The following LRRC4C variants were observed in gnomAD, a reference collection of about 807,000 sequenced individuals.
LRRC4C encodes the protein leucine-rich repeat-containing protein 4C.
Under a neutral mutation model 33.6 loss-of-function variants are expected in LRRC4C, and 5 were observed. That is an observed-to-expected ratio of 0.15 (90% CI 0.08 to 0.31). The LOEUF (loss-of-function observed/expected upper bound fraction) is 0.31, where lower values mean the gene tolerates loss of function less well. LRRC4C is among the 10% of genes least tolerant of loss of function. The pLI, the probability that LRRC4C is intolerant of heterozygous loss-of-function variation, is 1.00. For synonymous variants in LRRC4C, 329 were observed against 302.0 expected (o/e 1.09, Z -0.93); for missense variants, 560 against 796.7 (o/e 0.70, Z 3.58).
chr11:40,721,803 C>T (rs916738297), intron 2 of LRRC4C, among the ~76,000 whole-genome samples: 1 of 151,820 alleles, frequency 6.6e-6, no homozygotes, highest in African/African-American at 2.4e-5. Flanking sequence ...TAGCCGGGCG[C>T]GGTGGTGGGC....
At chr11:40,760,785 G>A (rs1949169219) in intron 2 of LRRC4C, among the ~76,000 whole-genome samples, 1 of 74,824 alleles carries the variant, frequency 1.3e-5, no homozygotes, top group Admixed American at 1.4e-4. Context: ...CAATTTTTGT[G>A]TGTATATATA....
chr11:41,443,428 G>T (rs1213373850), intron 1 of LRRC4C, among the ~76,000 whole-genome samples: 6 of 152,070 alleles, frequency 3.9e-5, no homozygotes, highest in East Asian at 3.9e-4. Context: ...AGGATCCCTT[G>T]AGCCTGGGAA....
chr11:40,996,752 G>C (rs1366341901), intron 1 of LRRC4C, among the ~76,000 whole-genome samples: 2 of 152,150 alleles, frequency 1.3e-5, no homozygotes, highest in African/African-American at 4.8e-5. Flanking sequence ...GGGAACAGGA[G>C]TGTCACATGG....
At chr11:40,747,206 C>G (rs1948472420) in intron 2 of LRRC4C, among the ~76,000 whole-genome samples, 1 of 152,166 alleles carries the variant, frequency 6.6e-6, no homozygotes. Flanking sequence ...GCCCAAAGAT[C>G]AGCCTACCTG....
intron 5 of LRRC4C, among the ~76,000 whole-genome samples, chr11:40,240,316 T>C (rs958236302): frequency 6.6e-6 from 1 of 152,188 alleles, no homozygotes; most frequent in African/African-American, 2.4e-5. Flanking sequence ...TCATCATGTA[T>C]AACTTGTTAC....
At chr11:40,454,194 AGT>A (rs1356382349) in intron 3 of LRRC4C, among the ~76,000 whole-genome samples, 3 of 149,978 alleles carry the variant, frequency 2.0e-5, no homozygotes, top group African/African-American at 7.4e-5. Context: ...TTTTTTTAAC[AGT>A]GAGTCATTTG....
intron 3 of LRRC4C, among the ~76,000 whole-genome samples, chr11:40,322,545 C>T (rs1239746910): frequency 6.6e-6 from 1 of 152,134 alleles, no homozygotes; most frequent in Non-Finnish European, 1.5e-5. Flanking sequence ...TGCACCCGGC[C>T]AAGAAATTCA....
Position 40,932,010 on chromosome 11 carries a change from A to G in LRRC4C, c.-407+1625T>C, listed in dbSNP as rs1445994467. ...GGGAAGCAAAAGAAATAACCAAGTTAATTGTCCTGACCTCAAGGGGCTGAG... is the reference window on the plus strand; with the variant it reads ...GGGAAGCAAAAGAAATAACCAAGTTGATTGTCCTGACCTCAAGGGGCTGAG... On this transcript the variant is annotated intron_variant, in intron 2 of 6. Transcript: ENST00000528697. Among the ~76,000 whole-genome samples, 3 of 152,182 alleles carry G rather than the reference A, an allele frequency of 2.0e-5. No homozygotes were observed. In the East Asian group the frequency reaches 5.8e-4, roughly 29 times the overall value.
intron 3 of LRRC4C, among the ~76,000 whole-genome samples, chr11:40,385,485 ACAT>A (rs1190315937): frequency 2.0e-4 from 30 of 152,198 alleles, no homozygotes; most frequent in South Asian, 6.2e-4. Context: ...TGGGAGATAA[ACAT>A]TGCGTACACA....
intron 1 of LRRC4C, among the ~76,000 whole-genome samples, chr11:41,280,243 G>A (rs1949619370): frequency 6.6e-6 from 1 of 152,194 alleles, no homozygotes; most frequent in Non-Finnish European, 1.5e-5. Flanking sequence ...CACCACGAAA[G>A]TCAGGCTTCA....
At chr11:40,802,559 A>C (rs1329842385) in intron 2 of LRRC4C, among the ~76,000 whole-genome samples, 1 of 152,112 alleles carries the variant, frequency 6.6e-6, no homozygotes, top group Non-Finnish European at 1.5e-5. Flanking sequence ...AAGAAAGAGG[A>C]AAAGAAAGCC....
intron 2 of LRRC4C, among the ~76,000 whole-genome samples, chr11:40,748,044 T>G (rs954180764): frequency 3.3e-5 from 5 of 152,110 alleles, no homozygotes; most frequent in Admixed American, 2.6e-4. Flanking sequence ...AGACACTCAT[T>G]ACAGGAGGCT....
chr11:41,457,562 C>G (rs1956209480), intron 1 of LRRC4C, among the ~76,000 whole-genome samples: 1 of 151,824 alleles, frequency 6.6e-6, no homozygotes, highest in Non-Finnish European at 1.5e-5. Context: ...ATTGTTTTTT[C>G]CATAAAGAAA....
At chr11:40,628,523 C>T (rs1470305544) in intron 3 of LRRC4C, among the ~76,000 whole-genome samples, 2 of 151,472 alleles carry the variant, frequency 1.3e-5, no homozygotes, top group African/African-American at 4.8e-5. Context: ...AATTCATCAT[C>T]TTTTAGAGTA....
chr11:40,378,808 T>G (rs563962099), intron 3 of LRRC4C, among the ~76,000 whole-genome samples: 4 of 152,258 alleles, frequency 2.6e-5, no homozygotes, highest in African/African-American at 9.6e-5. Flanking sequence ...TGTTTATAGA[T>G]CCTCTGCTAT....
intron 3 of LRRC4C, among the ~76,000 whole-genome samples, chr11:40,386,530 C>A (rs974416915): frequency 6.6e-5 from 10 of 152,116 alleles, no homozygotes; most frequent in African/African-American, 1.9e-4. Flanking sequence ...TACATTAGGT[C>A]TTTCTTCCAT....
intron 1 of LRRC4C, among the ~76,000 whole-genome samples, chr11:41,364,216 C>T (rs948237671): frequency 2.6e-5 from 4 of 152,186 alleles, no homozygotes; most frequent in African/African-American, 9.7e-5. Flanking sequence ...AATGTAGCTG[C>T]TATTCACTAG....
intron 1 of LRRC4C, among the ~76,000 whole-genome samples, chr11:41,410,617 T>A (rs1235128796): frequency 6.6e-6 from 1 of 151,930 alleles, no homozygotes; most frequent in Non-Finnish European, 1.5e-5. Context: ...ATTTTTTGTA[T>A]TTTTAGTAGA....
At chr11:40,496,271 T>C (rs1163508457) in intron 3 of LRRC4C, among the ~76,000 whole-genome samples, 1 of 152,202 alleles carries the variant, frequency 6.6e-6, no homozygotes, top group African/African-American at 2.4e-5. Flanking sequence ...TCTCTATTAG[T>C]TGTCTTTCAT....
Sources: gnomAD v4.1 joint callset for allele counts (sites outside exome capture counted in the v4.1 genomes callset) on GRCh38, gnomAD v4.1.1 for gene constraint, MANE v1.5 for transcripts, NCBI Gene and HGNC (gene_info 2026-07-23, HGNC 2026-07-21) for gene names.